The following CUX2 variants were observed in gnomAD, a reference collection of about 807,000 sequenced individuals.
CUX2 encodes the protein homeobox protein cut-like 2.
In CUX2, 40 loss-of-function variants were observed where a neutral mutation model predicts 144.8. The observed-to-expected ratio is 0.28, with a 90% CI of 0.21 to 0.36. The LOEUF (loss-of-function observed/expected upper bound fraction) is 0.36. Ranked by LOEUF, CUX2 falls within the 10% of genes least tolerant of loss-of-function variation. The pLI, the probability that CUX2 is intolerant of heterozygous loss-of-function variation, is 1.00. For missense variants in CUX2, 1,615 were observed against 1,994.0 expected (o/e 0.81, Z 3.62); for synonymous variants, 827 against 875.6 (o/e 0.94, Z 0.98).
At chr12:111,274,696 C>T (rs1250314245) in intron 4 of CUX2, among the ~76,000 whole-genome samples, 1 of 152,226 alleles carries the variant, frequency 6.6e-6, no homozygotes, top group Non-Finnish European at 1.5e-5. Flanking sequence ...GTTAGTCTCG[C>T]TGCCACCATC....
In CUX2 at chr12:111,190,726, C is replaced by T. The variant is rs1299234363; in HGVS notation, c.64-23474C>T. Among the ~76,000 whole-genome samples, 1 of 152,184 alleles carries T rather than the reference C, an allele frequency of 6.6e-6. No individual in the cohort carries two copies. Among genetic ancestry groups the T allele is most frequent in the Middle Eastern group, 3.2e-3 (1 of 316 alleles). ...CAAAAGAGAGGCAGGTGGGCATCTG[C>T]CTCTATGTGTAGCTTGTGCAAGATT... is the stretch of plus-strand genomic sequence containing the variant. On this transcript the variant is annotated intron_variant, in intron 1 of 21. Transcript: ENST00000261726. The surrounding 1 kb of genome is among the most constrained non-coding windows in gnomAD (Gnocchi z 4.0).
At chr12:111,147,214 G>A (rs1876738552) in intron 1 of CUX2, among the ~76,000 whole-genome samples, 1 of 152,204 alleles carries the variant, frequency 6.6e-6, no homozygotes, top group Non-Finnish European at 1.5e-5. Context: ...GATGAACTGT[G>A]GAGAATTATT....
chr12:111,264,916 G>A (rs575515773), intron 4 of CUX2, among the ~76,000 whole-genome samples: 2 of 152,064 alleles, frequency 1.3e-5, no homozygotes, highest in South Asian at 2.1e-4. Flanking sequence ...TTGGTTGCCC[G>A]GGGCTGGGGA....
chr12:111,225,097 G>C (rs921989270), intron 3 of CUX2, among the ~76,000 whole-genome samples: 3 of 152,044 alleles, frequency 2.0e-5, no homozygotes, highest in Non-Finnish European at 4.4e-5. Flanking sequence ...GTAGAGATGG[G>C]GTTTCACCAT....
At chr12:111,179,670 G>A (rs1879048012) in intron 1 of CUX2, among the ~76,000 whole-genome samples, 1 of 151,296 alleles carries the variant, frequency 6.6e-6, no homozygotes, top group Admixed American at 6.6e-5. Flanking sequence ...GGTCAGCAGG[G>A]GCCATGGTTT....
chr12:111,228,194 A>C (rs1171157027), intron 3 of CUX2, among the ~76,000 whole-genome samples: 1 of 152,146 alleles, frequency 6.6e-6, no homozygotes, highest in Non-Finnish European at 1.5e-5. Flanking sequence ...CATGCACAGG[A>C]GTTACCTCAA....
intron 1 of CUX2, among the ~76,000 whole-genome samples, chr12:111,150,757 G>A (rs1485089224): frequency 2.0e-5 from 3 of 151,962 alleles, no homozygotes; most frequent in Non-Finnish European, 4.4e-5. Flanking sequence ...AGCCTCGGGG[G>A]GTGGGAGGGG....
chr12:111,087,501 C>T (rs962134873), intron 1 of CUX2, among the ~76,000 whole-genome samples: 1 of 151,310 alleles, frequency 6.6e-6, no homozygotes, highest in Admixed American at 6.6e-5. Flanking sequence ...GCAGGTAATA[C>T]TATTCCTTGA....
At chr12:111,132,053 G>A (rs1875518236) in intron 1 of CUX2, among the ~76,000 whole-genome samples, 1 of 152,160 alleles carries the variant, frequency 6.6e-6, no homozygotes, top group Admixed American at 6.5e-5. Context: ...TCTCCATGAG[G>A]GCCCCACCCC....
chr12:111,055,645 G>A (rs559308500), intron 1 of CUX2, among the ~76,000 whole-genome samples: 1 of 152,336 alleles, frequency 6.6e-6, no homozygotes, highest in East Asian at 1.9e-4. Flanking sequence ...TGGCCCCCAA[G>A]GTGGGGCACC....
At chr12:111,156,327 C>T (rs888335821) in intron 1 of CUX2, among the ~76,000 whole-genome samples, 5 of 152,174 alleles carry the variant, frequency 3.3e-5, no homozygotes, top group Non-Finnish European at 7.3e-5. Flanking sequence ...TCCCTGTTCC[C>T]CAGGAAACCA....
intron 16 of CUX2, among the ~76,000 whole-genome samples, chr12:111,314,765 G>T (rs1472125674): frequency 6.6e-6 from 1 of 151,296 alleles, no homozygotes; most frequent in Admixed American, 6.6e-5. Flanking sequence ...GATCACCTGA[G>T]CCCAGGAGGC....
At chr12:111,256,085 T>C (rs1249770806) in intron 3 of CUX2, among the ~76,000 whole-genome samples, 1 of 151,900 alleles carries the variant, frequency 6.6e-6, no homozygotes, top group Non-Finnish European at 1.5e-5. Flanking sequence ...CTCTGGTACA[T>C]CTGAGCAAGT....
chr12:111,296,240 C>T (rs568635895), intron 7 of CUX2, among the ~76,000 whole-genome samples: 1 of 152,076 alleles, frequency 6.6e-6, no homozygotes, highest in Admixed American at 6.5e-5. Flanking sequence ...ACCTCATCTG[C>T]CCCGCACTGC....
chr12:111,295,560 G>T lies in CUX2; in HGVS notation c.637+151G>T, dbSNP rs900017634. 1.5e-6 allele frequency: 1 copy of T among 645,392 alleles called. No individual in the cohort carries two copies. Among genetic ancestry groups the T allele is most frequent in the Non-Finnish European group, 2.6e-6 (1 of 386,312 alleles). 40.0% of individuals were successfully genotyped at this position (645,392 alleles called of 1,614,324 possible). A position where few individuals can be genotyped will look rare whatever the true frequency, so the allele number is the denominator to read the frequency against. On this transcript the variant is annotated intron_variant, in intron 7 of 21. Transcript: ENST00000261726. The surrounding 1 kb of genome is among the most constrained non-coding windows in gnomAD (Gnocchi z 5.0). ...TTTGGGAAGAATAATCTTACCCAGT[G>T]GGGGGCTGAGCCTCTATGCCCCAGA...
intron 1 of CUX2, among the ~76,000 whole-genome samples, chr12:111,128,052 G>A (rs1001307271): frequency 6.6e-6 from 1 of 152,170 alleles, no homozygotes; most frequent in Non-Finnish European, 1.5e-5. Flanking sequence ...AGTGAGTGGT[G>A]CCACTCCCAC....
Position 111,310,645 on chromosome 12 carries a change from T to C in CUX2, c.1863T>C (p.Asn621=). The part of the protein sequence containing the change: ...KMKQFLSDEQ[N]VLALRTIQVR... ...AGCAGTTCCTGTCGGATGAGCAGAA[T>C]GTACTGGCGCTCAGGACCATCCAAG... The change falls in exon 15 of 22, where the codon AAT becomes AAC. Residue 621 remains asparagine, a synonymous_variant. Transcript: ENST00000261726. The surrounding 1 kb of genome is among the most constrained non-coding windows in gnomAD (Gnocchi z 7.9). 1.2e-6 allele frequency: 2 copies of C among 1,606,110 alleles called. No homozygotes were observed. Among genetic ancestry groups the C allele is most frequent in the East Asian group, 2.2e-5 (1 of 44,650 alleles).
Position 111,310,632 on chromosome 12 carries a change from C to T in CUX2, c.1850C>T (p.Ser617Leu), listed in dbSNP as rs774991259. The T allele has an allele frequency of 5.6e-6, 9 of 1,608,678 alleles. No homozygotes were observed. The highest frequency in any genetic ancestry group is 7.7e-6 in the Non-Finnish European group (9 of 1,176,258). ...EPFIKMKQFLSDEQNVLALRT... is the reference protein window; with the variant it reads ...EPFIKMKQFLLDEQNVLALRT... ...TTCATCAAGATGAAGCAGTTCCTGT[C>T]GGATGAGCAGAATGTACTGGCGCTC... is the stretch of plus-strand genomic sequence containing the variant. Residue 617 changes from serine to leucine, a missense_variant, in exon 15 of 22, where the codon TCG becomes TTG. By Grantham distance (145) the Ser-to-Leu change is moderately radical. Transcript: ENST00000261726. The surrounding 1 kb of genome is among the most constrained non-coding windows in gnomAD (Gnocchi z 7.9).
intron 1 of CUX2, among the ~76,000 whole-genome samples, chr12:111,050,143 C>T (rs902276943): frequency 3.3e-5 from 5 of 152,130 alleles, no homozygotes; most frequent in African/African-American, 1.2e-4. Context: ...ATCTCCCACC[C>T]ACCCTGCCGC....
Sources: gnomAD v4.1 joint callset for allele counts (sites outside exome capture counted in the v4.1 genomes callset) on GRCh38, gnomAD v4.1.1 for gene constraint, Gnocchi (gnomAD v3.1) non-coding constraint, MANE v1.5 for transcripts, NCBI Gene and HGNC (gene_info 2026-07-23, HGNC 2026-07-21) for gene names.